The following AGPS variants were observed in gnomAD, a reference collection of about 807,000 sequenced individuals.
The protein encoded by AGPS is alkylglycerone phosphate synthase, also known as alkyldihydroxyacetonephosphate synthase, peroxisomal.
In AGPS, 26 loss-of-function variants were observed where a neutral mutation model predicts 90.7. The observed-to-expected ratio is 0.29, with a 90% CI of 0.21 to 0.40. The LOEUF (loss-of-function observed/expected upper bound fraction) is 0.40, where lower values mean the gene tolerates loss of function less well. Among genes scored for constraint, AGPS ranks in the 10% least tolerant of loss-of-function variants. The probability of loss-of-function intolerance (pLI) is 1.00; values close to 1 mark genes in which losing one functional copy is unlikely to be tolerated. For missense variants in AGPS, 540 were observed against 816.1 expected, an observed-to-expected ratio of 0.66 and a Z score of 4.12; for synonymous variants, 294 against 285.3, an observed-to-expected ratio of 1.03 and a Z score of -0.31.
intron 8 of AGPS, among the ~76,000 whole-genome samples, chr2:177,448,004 T>C (rs566944589): frequency 1.8e-4 from 27 of 152,282 alleles, no homozygotes; most frequent in African/African-American, 5.8e-4. Flanking sequence ...AATTATGGAT[T>C]TGGAGAATTT....
At chr2:177,411,127 T>A (rs1372862852) in intron 1 of AGPS, among the ~76,000 whole-genome samples, 1 of 152,146 alleles carries the variant, frequency 6.6e-6, no homozygotes, top group Non-Finnish European at 1.5e-5. Context: ...TGATCTCTAT[T>A]ATAAAAAAAC....
At chr2:177,503,796 A>T (rs1481267602) in intron 14 of AGPS, among the ~76,000 whole-genome samples, 1 of 152,110 alleles carries the variant, frequency 6.6e-6, no homozygotes, top group East Asian at 1.9e-4. Context: ...GACTGACTCT[A>T]CTTCTTTGGG....
intron 17 of AGPS, among the ~76,000 whole-genome samples, chr2:177,514,875 G>C (rs1315948301): frequency 1.3e-5 from 2 of 151,876 alleles, no homozygotes; most frequent in Non-Finnish European, 2.9e-5. Context: ...TCTCCTTAAA[G>C]TAGCCGTTTC....
intron 12 of AGPS, among the ~76,000 whole-genome samples, chr2:177,495,211 A>G (rs1688377610): frequency 6.6e-6 from 1 of 152,190 alleles, no homozygotes; most frequent in African/African-American, 2.4e-5. Flanking sequence ...TATCACCTGC[A>G]CTTATCACGT....
chr2:177,445,448 A>T, intron 7 of AGPS, 98 bp from the exon 8 acceptor site: 1 of 1,047,484 alleles, frequency 9.5e-7, no homozygotes, highest in Non-Finnish European at 1.5e-6. Flanking sequence ...TTGCTTAATC[A>T]CTGTCTTACC....
rs1036071531 is a variant in AGPS at position 177,505,566 on chromosome 2, A to T, written c.1536A>T (p.Ala512=). 3 of 1,611,306 alleles carry T rather than the reference A, an allele frequency of 1.9e-6. No individual in the cohort carries two copies. Among genetic ancestry groups the T allele is most frequent in the Admixed American group, 1.7e-5 (1 of 59,986 alleles). The part of the protein sequence containing the change: ...QRGYLLTYVI[A]YIRDLALEYY... ...GTTATTTGCTGACCTATGTTATTGC[A>T]TACATTCGAGTAAGTTATATCATAT... Residue 512 remains alanine (A), a synonymous_variant, in exon 15 of 20, where the codon GCA becomes GCT. Transcript: ENST00000264167.
chr2:177,411,919 G>T (rs1373607285), intron 1 of AGPS, among the ~76,000 whole-genome samples: 1 of 152,114 alleles, frequency 6.6e-6, no homozygotes, highest in East Asian at 1.9e-4. Context: ...GGGGAGGAGA[G>T]CATCTTACAC....
intron 18 of AGPS, among the ~76,000 whole-genome samples, chr2:177,522,968 A>G (rs1047233978): frequency 4.6e-5 from 7 of 152,142 alleles, no homozygotes; most frequent in African/African-American, 1.7e-4. Flanking sequence ...CCTTTTTTAC[A>G]GTGCTCTTTA....
intron 12 of AGPS, among the ~76,000 whole-genome samples, chr2:177,493,427 ATTC>A (rs1688325357): frequency 6.6e-6 from 1 of 152,212 alleles, no homozygotes; most frequent in African/African-American, 2.4e-5. Flanking sequence ...GAAGGAATTG[ATTC>A]TTCTTGATTT....
chr2:177,464,106 TA>T (rs1230603201), intron 9 of AGPS, among the ~76,000 whole-genome samples: 4 of 152,012 alleles, frequency 2.6e-5, no homozygotes, highest in Non-Finnish European at 5.9e-5. Flanking sequence ...CATGCCCAGC[TA>T]ATTTTGTATT....
intron 12 of AGPS, among the ~76,000 whole-genome samples, chr2:177,493,731 A>T (rs1688335117): frequency 6.6e-6 from 1 of 152,124 alleles, no homozygotes; most frequent in Non-Finnish European, 1.5e-5. Flanking sequence ...CAGCAGTGGG[A>T]TTTCTTTGAA....
intron 2 of AGPS, 68 bp from the exon 3 acceptor site, chr2:177,434,259 C>T: frequency 8.7e-7 from 1 of 1,147,668 alleles, no homozygotes; most frequent in East Asian, 2.4e-5. Context: ...TCACTGGAAG[C>T]AGAATTTAAG....
At position 177,497,770 on chromosome 2, in the gene AGPS, G is replaced by T; in HGVS notation, c.1362+5G>T. 7.0e-7 allele frequency: 1 copy of T among 1,422,978 alleles called. No homozygotes were observed. Among genetic ancestry groups the T allele is most frequent in the Non-Finnish European group, 9.8e-7 (1 of 1,017,486 alleles). The allele number at this position is 1,422,978 out of a possible 1,614,324, so 88.1% of individuals were successfully genotyped here. A position where few individuals can be genotyped will look rare whatever the true frequency, so the allele number is the denominator to read the frequency against. ...AAAAAGTTTTATATTACAAAGGTAA[G>T]AATTTTTATAAAATGCTAAAATTGT... On this transcript the variant is annotated splice_donor_5th_base_variant and intron_variant, in intron 13 of 19. Transcript: ENST00000264167.
chr2:177,482,864 G>A (rs1559066679), intron 11 of AGPS, among the ~76,000 whole-genome samples: 1 of 151,848 alleles, frequency 6.6e-6, no homozygotes, highest in Non-Finnish European at 1.5e-5. Context: ...AAATTTCTAC[G>A]TCTCTCTCGG....
chr2:177,523,985 TAG>T (rs1428399521), intron 19 of AGPS, among the ~76,000 whole-genome samples, 180 bp downstream of exon 19: 1 of 152,210 alleles, frequency 6.6e-6, no homozygotes, highest in East Asian at 1.9e-4. Flanking sequence ...TAGTAGCCAC[TAG>T]AAGCTTACTT....
At chr2:177,457,798 C>T (rs1223249754) in intron 8 of AGPS, among the ~76,000 whole-genome samples, 1 of 152,092 alleles carries the variant, frequency 6.6e-6, no homozygotes, top group Non-Finnish European at 1.5e-5. Context: ...CTATTCCAAA[C>T]AATAGAAAAA....
chr2:177,407,198 A>C (rs1685491665), intron 1 of AGPS, among the ~76,000 whole-genome samples: 1 of 152,204 alleles, frequency 6.6e-6, no homozygotes, highest in Non-Finnish European at 1.5e-5. Flanking sequence ...AGAAGGAAAT[A>C]AGGTAATGAT....
chr2:177,513,088 TA>T (rs1688926461), intron 16 of AGPS, among the ~76,000 whole-genome samples: 1 of 4,004 alleles, frequency 2.5e-4, no homozygotes, highest in Non-Finnish European at 5.9e-4. Context: ...ATTGAATCAT[TA>T]TTATTATTAT....
intron 5 of AGPS, among the ~76,000 whole-genome samples, chr2:177,438,340 G>A (rs1686480795): frequency 6.6e-6 from 1 of 152,134 alleles, no homozygotes; most frequent in Non-Finnish European, 1.5e-5. Context: ...AGGATTACTT[G>A]CCTGAAGTTC....
Sources: allele counts gnomAD v4.1 joint callset (sites outside exome capture counted in the v4.1 genomes callset), GRCh38; gene constraint gnomAD v4.1.1; transcripts MANE v1.5; gene names NCBI Gene and HGNC (gene_info 2026-07-23, HGNC 2026-07-21).